Variants in SPATC1 observed in about 807,000 individuals in gnomAD.
SPATC1 encodes the protein speriolin.
A neutral mutation model predicts 36.5 loss-of-function variants in SPATC1; 35 were observed. That is an observed-to-expected ratio of 0.96 (90% confidence interval 0.73 to 1.27). SPATC1 has a LOEUF of 1.27. Among genes scored for constraint, SPATC1 ranks in the 50% most tolerant of loss-of-function variants. The pLI, the probability that SPATC1 is intolerant of heterozygous loss-of-function variation, is 0.00. For synonymous variants in SPATC1, 361 were observed against 353.6 expected (o/e 1.02, Z -0.24); for missense variants, 779 against 796.0 (o/e 0.98, Z 0.26).
intron 1 of SPATC1, among the ~76,000 whole-genome samples, chr8:144,031,450 C>CTTTTTTTT (rs1176896425): frequency 2.6e-5 from 3 of 116,690 alleles, no homozygotes; most frequent in South Asian, 2.9e-4. Context: ...ATTTTTTTTT[C>CTTTTTTTT]TTTTTTTTTT....
intron 1 of SPATC1, among the ~76,000 whole-genome samples, chr8:144,031,356 A>AT (rs1834789088): frequency 1.3e-5 from 2 of 151,942 alleles, no homozygotes; most frequent in Non-Finnish European, 2.9e-5. Flanking sequence ...TCTGGCCTTC[A>AT]TAGTTTCTGA....
chr8:144,021,210 C>A (rs1430785295), intron 1 of SPATC1, among the ~76,000 whole-genome samples: 2 of 3,340 alleles, frequency 6.0e-4, no homozygotes, highest in Admixed American at 5.2e-3. Flanking sequence ...AGAACCCCCT[C>A]CCCTCAAGAC....
intron 1 of SPATC1, among the ~76,000 whole-genome samples, chr8:144,028,191 C>T (rs1314624015): frequency 6.6e-6 from 1 of 151,852 alleles, no homozygotes; most frequent in Admixed American, 6.6e-5. Context: ...GCAACAAAAG[C>T]AAAAATTGAC....
chr8:144,041,849 T>C (rs1835110432), intron 4 of SPATC1: 2 of 623,186 alleles, frequency 3.2e-6, no homozygotes, highest in South Asian at 7.1e-5. Context: ...TGTGTTTATC[T>C]GTGGATTGCA....
At chr8:144,027,006 G>GTTTTTTTTTT (rs1834696244) in intron 1 of SPATC1, among the ~76,000 whole-genome samples, 1 of 37,786 alleles carries the variant, frequency 2.6e-5, no homozygotes, top group Non-Finnish European at 6.4e-5. Flanking sequence ...TTTTTTTTTT[G>GTTTTTTTTTT]GATTTTTAGT....
At chr8:144,035,515 T>C (rs1039022031) in intron 1 of SPATC1, among the ~76,000 whole-genome samples, 1 of 152,256 alleles carries the variant, frequency 6.6e-6, no homozygotes, top group African/African-American at 2.4e-5. Context: ...TTCTGCTTTA[T>C]ACATTTTGGT....
chr8:144,038,054 G>A (rs1834959115), intron 1 of SPATC1, among the ~76,000 whole-genome samples: 1 of 151,820 alleles, frequency 6.6e-6, no homozygotes. Context: ...GTGAACCCCG[G>A]GGGGCGGAGC....
chr8:144,020,809 C>G (rs1167998786), intron 1 of SPATC1, among the ~76,000 whole-genome samples: 6,864 of 150,010 alleles, frequency 0.046, 542 homozygotes, highest in African/African-American at 0.16. Flanking sequence ...AAACCCTCTC[C>G]CCTCAGAACT....
chr8:144,020,610 C>A (rs992669959), intron 1 of SPATC1, among the ~76,000 whole-genome samples: 3 of 147,830 alleles, frequency 2.0e-5, no homozygotes, highest in Admixed American at 2.0e-4. Context: ...CCTCAGAACC[C>A]TCTTCCTTCA....
At position 144,046,637 on chromosome 8, in the gene SPATC1, A is replaced by C. The variant is rs781859218; in HGVS notation, c.1457A>C (p.Asn486Thr). ...IPEKIIQASL[N>T]PSDHKLDEKL... Reference sequence around the variant, plus strand: ...CCGCTGTCCCCACAGGCTTCCCTGAACCCCAGTGACCACAAGCTGGATGAG... The same window carrying C: ...CCGCTGTCCCCACAGGCTTCCCTGACCCCCAGTGACCACAAGCTGGATGAG... The change falls in exon 5 of 5, where the codon AAC (asparagine) becomes ACC (threonine). Residue 486 changes from asparagine to threonine, a missense_variant. Asn to Thr is a moderately conservative substitution (Grantham distance 65). Coordinates refer to ENST00000377470, the MANE Select transcript of SPATC1 (RefSeq NM_198572.3). The surrounding 1 kb of genome is among the most constrained non-coding windows in gnomAD (Gnocchi z 6.6). 6.2e-7 allele frequency: 1 copy of C among 1,608,342 alleles called. No homozygotes were observed. The highest frequency in any genetic ancestry group is 1.1e-5 in the South Asian group (1 of 90,988).
chr8:144,021,334 CAGTTT>C (rs1834530555), intron 1 of SPATC1, among the ~76,000 whole-genome samples: 14 of 65,548 alleles, frequency 2.1e-4, no homozygotes, highest in East Asian at 4.5e-4. Flanking sequence ...CCTCATGACC[CAGTTT>C]CTCCCCTGAG....
chr8:144,039,224 A>G (rs1039033843), intron 1 of SPATC1, among the ~76,000 whole-genome samples: 1 of 152,212 alleles, frequency 6.6e-6, no homozygotes, highest in South Asian at 2.1e-4. Flanking sequence ...TCCCCGAAAC[A>G]GTGGCCAGAA....
In SPATC1 at chr8:144,045,115, G is replaced by A. The variant is rs1288267081; in HGVS notation, c.1447-1512G>A. On this transcript the variant is annotated intron_variant, in intron 4 of 4. Coordinates refer to ENST00000377470, the MANE Select transcript of SPATC1 (RefSeq NM_198572.3). This position sits in a 1 kb window ranked among gnomAD's most constrained non-coding sequence, Gnocchi z 5.2. ...GCACTGTGATTTCCTTCCCATCCCA[G>A]CAGGGAAACTGAGGCTCAGTCCCAG... Among the ~76,000 whole-genome samples, 3 of 152,224 alleles carry A rather than the reference G, an allele frequency of 2.0e-5. No individual in the cohort carries two copies. The highest frequency in any genetic ancestry group is 7.2e-5 in the African/African-American group (3 of 41,468).
At chr8:144,022,974 C>T (rs1358340600) in intron 1 of SPATC1, among the ~76,000 whole-genome samples, 3 of 124,836 alleles carry the variant, frequency 2.4e-5, no homozygotes, top group Non-Finnish European at 5.2e-5. Flanking sequence ...TACCCTATTC[C>T]CTCAGGACCC....
chr8:144,041,851 T>A, intron 4 of SPATC1: 4 of 637,960 alleles, frequency 6.3e-6, no homozygotes, highest in Non-Finnish European at 7.8e-6. Context: ...TGTTTATCTG[T>A]GGATTGCAGG....
Position 144,041,359 on chromosome 8 carries a change from G to T in SPATC1, c.1434G>T (p.Glu478Asp). The part of the protein sequence containing the change: ...LYGFTVSNIP[E>D]KIIQASLNPS... ...GCTTCACTGTCTCCAACATCCCAGA[G>T]AAGATCATCCAGGTGTGCGGCCAGG... The change falls in exon 4 of 5, where the codon GAG becomes GAT. Residue 478 changes from glutamate (E) to aspartate (D), a missense_variant. Transcript: ENST00000377470. 1 of 1,609,996 alleles carries T rather than the reference G, an allele frequency of 6.2e-7. No individual in the cohort carries two copies. The highest frequency in any genetic ancestry group is 8.5e-7 in the Non-Finnish European group (1 of 1,179,972).
intron 1 of SPATC1, 104 bp from the exon 2 acceptor site, chr8:144,039,805 G>A (rs1835010922): frequency 3.2e-6 from 4 of 1,232,414 alleles, no homozygotes; most frequent in South Asian, 2.8e-5. Flanking sequence ...GGGGACAGAT[G>A]GGCACTATGG....
At chr8:144,025,783 G>A (rs1040087805) in intron 1 of SPATC1, among the ~76,000 whole-genome samples, 15 of 152,220 alleles carry the variant, frequency 9.9e-5, no homozygotes, top group African/African-American at 3.6e-4. Flanking sequence ...TGTGAGCAGG[G>A]CATATGCTCC....
chr8:144,039,171 C>A (rs945369380), intron 1 of SPATC1, among the ~76,000 whole-genome samples: 15 of 152,232 alleles, frequency 9.9e-5, no homozygotes, highest in Admixed American at 9.8e-4. Context: ...TGCACTCCCA[C>A]CACTACTGCC....
Sources: allele counts gnomAD v4.1 joint callset (sites outside exome capture counted in the v4.1 genomes callset), GRCh38; gene constraint gnomAD v4.1.1; non-coding constraint Gnocchi (gnomAD v3.1); transcripts MANE v1.5; gene names NCBI Gene and HGNC (gene_info 2026-07-23, HGNC 2026-07-21).